The following RETREG1 variants were observed in gnomAD, a reference collection of about 807,000 sequenced individuals.
RETREG1 encodes the protein reticulophagy regulator 1.
A neutral mutation model predicts 54.8 loss-of-function variants in RETREG1; 44 were observed. The observed-to-expected ratio is 0.80, with a 90% CI of 0.63 to 1.03. The LOEUF is 1.03. Among genes scored for constraint, RETREG1 ranks in the 50% least tolerant of loss-of-function variants. The pLI, the probability that RETREG1 is intolerant of heterozygous loss-of-function variation, is 0.00. For missense variants in RETREG1, 554 were observed against 605.1 expected, an observed-to-expected ratio of 0.92 and a Z score of 0.89; for synonymous variants, 217 against 238.5, an observed-to-expected ratio of 0.91 and a Z score of 0.83.
chr5:16,495,645 C>T (rs1300231155), intron 3 of RETREG1, among the ~76,000 whole-genome samples: 1 of 152,006 alleles, frequency 6.6e-6, no homozygotes, highest in African/African-American at 2.4e-5. Flanking sequence ...ACTAAAAATA[C>T]AAAAAATTGG....
intron 1 of RETREG1, among the ~76,000 whole-genome samples, chr5:16,603,502 G>C (rs943746011): frequency 6.6e-6 from 1 of 152,184 alleles, no homozygotes; most frequent in Non-Finnish European, 1.5e-5. Context: ...TGACAGGGAA[G>C]GGACAGAGCA....
At chr5:16,571,837 C>A (rs1742178218) in intron 2 of RETREG1, among the ~76,000 whole-genome samples, 159 bp downstream of exon 2, 1 of 152,184 alleles carries the variant, frequency 6.6e-6, no homozygotes, top group African/African-American at 2.4e-5. Flanking sequence ...GCTACAAAGA[C>A]AGCACCACCT....
chr5:16,495,330 A>G (rs913394571), intron 3 of RETREG1, among the ~76,000 whole-genome samples: 2 of 152,250 alleles, frequency 1.3e-5, no homozygotes, highest in African/African-American at 4.8e-5. Context: ...AGATATTTGC[A>G]TAAGTAAAAA....
intron 3 of RETREG1, among the ~76,000 whole-genome samples, chr5:16,518,410 GAGAA>G (rs1335510018): frequency 3.3e-5 from 5 of 150,936 alleles, no homozygotes; most frequent in Non-Finnish European, 7.4e-5. Flanking sequence ...AGGAGAAAAA[GAGAA>G]AGAAAAAGTG....
intron 5 of RETREG1, among the ~76,000 whole-genome samples, chr5:16,479,766 C>T (rs910318043): frequency 4.0e-5 from 6 of 151,850 alleles, no homozygotes; most frequent in Non-Finnish European, 5.9e-5. Flanking sequence ...GGAAGTGTCC[C>T]GTATTATATT....
Position 16,482,485 on chromosome 5 carries a change from T to C in RETREG1, c.585+861A>G, listed in dbSNP as rs558174726. 4.0e-5 allele frequency among the ~76,000 whole-genome samples: 6 copies of C among 151,440 alleles called. No homozygotes were observed. In the East Asian group the frequency reaches 1.2e-3, roughly 29 times the overall value. On this transcript the variant is annotated intron_variant, in intron 4 of 8. Transcript: ENST00000306320. Reference sequence around the variant, plus strand: ...AAATGCCTTCAATGAATAAAAAAAATGCATCCAAATGCAATACTGCCACTT... The same window carrying C: ...AAATGCCTTCAATGAATAAAAAAAACGCATCCAAATGCAATACTGCCACTT...
rs531018578 is a variant in RETREG1 at position 16,474,563 on chromosome 5, A to C, written c.*178T>G. The C allele has an allele frequency of 1.4e-6, 1 of 696,800 alleles. No homozygotes were observed. Among genetic ancestry groups the C allele is most frequent in the East Asian group, 2.7e-5 (1 of 36,654 alleles). The allele number at this position is 696,800 out of a possible 1,614,324, so 43.2% of individuals were successfully genotyped here. ...ACAAAAATAACGATCAGAAATATCA[A>C]TCTATCAGTGTCAGCTGATATATAT... On this transcript the variant is annotated 3_prime_UTR_variant, in exon 9 of 9. Coordinates refer to ENST00000306320, the MANE Select transcript of RETREG1 (RefSeq NM_001034850.3).
chr5:16,609,791 G>A (rs1461850661), intron 1 of RETREG1, among the ~76,000 whole-genome samples: 1 of 152,212 alleles, frequency 6.6e-6, no homozygotes, highest in Non-Finnish European at 1.5e-5. Context: ...CTGGGCAGCT[G>A]CGGAGACAAT....
chr5:16,585,248 C>T lies in RETREG1; in HGVS notation c.321-13146G>A, dbSNP rs924808210. Reference sequence around the variant, plus strand: ...GCCCAGGTCAGCAAGGCATGGTGGACAAACAGATAAGACAGTGGGGAGGAG... The same window carrying T: ...GCCCAGGTCAGCAAGGCATGGTGGATAAACAGATAAGACAGTGGGGAGGAG... On this transcript the variant is annotated intron_variant, in intron 1 of 8. Coordinates refer to ENST00000306320, the MANE Select transcript of RETREG1 (RefSeq NM_001034850.3). This position sits in a 1 kb window ranked among gnomAD's most constrained non-coding sequence, Gnocchi z 4.5. Among the ~76,000 whole-genome samples, 1 of 152,088 alleles carries T rather than the reference C, an allele frequency of 6.6e-6. No homozygotes were observed. The highest frequency in any genetic ancestry group is 1.5e-5 in the Non-Finnish European group (1 of 68,026).
chr5:16,573,239 CTT>C (rs1742231622), intron 1 of RETREG1, among the ~76,000 whole-genome samples: 1 of 139,202 alleles, frequency 7.2e-6, no homozygotes, highest in South Asian at 2.6e-4. Context: ...TTTGCTAACT[CTT>C]TCGCTTTAAG....
chr5:16,528,596 A>C (rs972350320), intron 3 of RETREG1, among the ~76,000 whole-genome samples: 1 of 152,166 alleles, frequency 6.6e-6, no homozygotes, highest in Admixed American at 6.5e-5. Flanking sequence ...TCTGAGACAC[A>C]TCTGGAGACA....
rs1579669301 is a variant in RETREG1 at position 16,544,571 on chromosome 5, T to C, written c.458+21192A>G. 2.6e-5 allele frequency among the ~76,000 whole-genome samples: 4 copies of C among 152,230 alleles called. No individual in the cohort carries two copies. In the East Asian group the frequency reaches 7.7e-4, roughly 29 times the overall value. ...ATTTAGGTTTACATTTAGGCCCATG[T>C]TCCCTTTTGAGTTAATTTCTGTTTG... On this transcript the variant is annotated intron_variant, in intron 3 of 8. Coordinates refer to ENST00000306320, the MANE Select transcript of RETREG1 (RefSeq NM_001034850.3).
At chr5:16,569,689 C>A (rs1434347766) in intron 2 of RETREG1, among the ~76,000 whole-genome samples, 1 of 152,168 alleles carries the variant, frequency 6.6e-6, no homozygotes, top group Admixed American at 6.5e-5. Flanking sequence ...TCATAGCTCA[C>A]AAAGATACCA....
rs1432969763 is a variant in RETREG1, at chr5:16,561,063, C to T, written c.458+4700G>A. Among the ~76,000 whole-genome samples, 3 of 152,160 alleles carry T rather than the reference C, an allele frequency of 2.0e-5. No individual in the cohort carries two copies. The highest frequency in any genetic ancestry group is 7.2e-5 in the African/African-American group (3 of 41,444). ...CTTGCAACAGTTCACTTGTACCTCC[C>T]ATTAACCAGATGAAAACCTGAGGCC... On this transcript the variant is annotated intron_variant, in intron 3 of 8. Coordinates refer to ENST00000306320, the MANE Select transcript of RETREG1 (RefSeq NM_001034850.3). This position sits in a 1 kb window ranked among gnomAD's most constrained non-coding sequence, Gnocchi z 4.2.
At chr5:16,525,769 G>A (rs1019707247) in intron 3 of RETREG1, among the ~76,000 whole-genome samples, 2 of 151,280 alleles carry the variant, frequency 1.3e-5, no homozygotes, top group Non-Finnish European at 3.0e-5. Context: ...TATACACAGA[G>A]AGGGAGAGAG....
intron 3 of RETREG1, among the ~76,000 whole-genome samples, chr5:16,547,080 T>C (rs1038970165): frequency 2.0e-5 from 3 of 152,220 alleles, no homozygotes; most frequent in Non-Finnish European, 2.9e-5. Context: ...GACCGTTCTA[T>C]AGGTCCGGCA....
rs761925091 is a variant in RETREG1 at position 16,478,854 on chromosome 5, T to C, written c.804A>G (p.Arg268=). ...GEYINQKKRE[R]SEADKEKSHK... ...TAAAATATAAACTTTACCTACCAGA[T>C]CTCTCACGTTTCTTCTGATTAATAT... Residue 268 remains arginine, a synonymous_variant, in exon 6 of 9, where the codon AGA becomes AGG. Transcript: ENST00000306320. The C allele has an allele frequency of 1.9e-6, 3 of 1,611,794 alleles. No homozygotes were observed. Among genetic ancestry groups the C allele is most frequent in the Non-Finnish European group, 8.5e-7 (1 of 1,178,418 alleles).
At chr5:16,548,055 A>G (rs146546287) in intron 3 of RETREG1, among the ~76,000 whole-genome samples, 1 of 152,310 alleles carries the variant, frequency 6.6e-6, no homozygotes, top group Admixed American at 6.5e-5. Context: ...ACTATTCTCA[A>G]GAGCTTTGAA....
At chr5:16,492,199 CCTCTCTCT>C (rs369038338) in intron 3 of RETREG1, among the ~76,000 whole-genome samples, 4 of 136,100 alleles carry the variant, frequency 2.9e-5, no homozygotes, top group East Asian at 4.4e-4. Context: ...ACAGTGTTGT[CCTCTCTCT>C]CTCTCTCTCT....
Sources: allele counts gnomAD v4.1 joint callset (sites outside exome capture counted in the v4.1 genomes callset), GRCh38; gene constraint gnomAD v4.1.1; non-coding constraint Gnocchi (gnomAD v3.1); transcripts MANE v1.5; gene names NCBI Gene and HGNC (gene_info 2026-07-23, HGNC 2026-07-21).